RABL3: variants seen among roughly 807,000 people sequenced by gnomAD.
RABL3 encodes RAB, member of RAS oncogene family like 3, also known as rab-like protein 3.
In RABL3, 31 loss-of-function variants were observed where a neutral mutation model predicts 31.8. The observed-to-expected ratio is 0.97, with a 90% confidence interval of 0.73 to 1.31. RABL3 has a LOEUF of 1.31. RABL3 is among the 40% of genes most tolerant of loss of function. The probability of loss-of-function intolerance (pLI) is 0.00; values close to 1 mark genes in which losing one functional copy is unlikely to be tolerated. For synonymous variants in RABL3, 97 were observed against 99.9 expected, an observed-to-expected ratio of 0.97 and a Z score of 0.18; for missense variants, 263 against 279.6, an observed-to-expected ratio of 0.94 and a Z score of 0.42.
chr3:120,685,809 AT>A lies in RABL3; in HGVS notation c.*4013del, dbSNP rs1471363985. On this transcript the variant is annotated 3_prime_UTR_variant, in exon 8 of 8. Transcript: ENST00000273375. ...AAAGGCTAGATCCTGACTTATCTGC[AT>A]GAGAAAAATCTGGCTTGTCTGTTAA... Among the ~76,000 whole-genome samples, 13 of 152,322 alleles carry A rather than the reference AT, an allele frequency of 8.5e-5. No individual in the cohort carries two copies. The highest frequency in any genetic ancestry group is 3.1e-4 in the African/African-American group (13 of 41,584).
intron 2 of RABL3, among the ~76,000 whole-genome samples, chr3:120,724,179 T>C (rs1445066359): frequency 6.6e-6 from 1 of 152,218 alleles, no homozygotes; most frequent in Non-Finnish European, 1.5e-5. Context: ...AGCCAAATCA[T>C]GAGTGAACTC....
chr3:120,698,630 T>C, intron 4 of RABL3, 57 bp from the exon 5 acceptor site: 1 of 1,443,178 alleles, frequency 6.9e-7, no homozygotes, highest in Non-Finnish European at 9.5e-7. Context: ...TGTAGATGTG[T>C]AATATTTAAG....
intron 2 of RABL3, among the ~76,000 whole-genome samples, chr3:120,721,684 C>T (rs528306282): frequency 6.6e-6 from 1 of 152,160 alleles, no homozygotes; most frequent in South Asian, 2.1e-4. Flanking sequence ...AAAGCAAGTC[C>T]TTAGAGACCT....
intron 1 of RABL3, among the ~76,000 whole-genome samples, chr3:120,739,931 G>A (rs1048224275): frequency 1.3e-5 from 2 of 152,122 alleles, no homozygotes; most frequent in Non-Finnish European, 1.5e-5. Context: ...AGCTAAGAAG[G>A]GATGAAACCC....
chr3:120,729,965 T>TA (rs202163320), intron 2 of RABL3, among the ~76,000 whole-genome samples: 23 of 150,894 alleles, frequency 1.5e-4, no homozygotes, highest in East Asian at 1.4e-3. Context: ...TATCAAAGAT[T>TA]AAAAAAAAAC....
intron 1 of RABL3, among the ~76,000 whole-genome samples, chr3:120,737,959 G>A (rs1416053558): frequency 6.6e-6 from 1 of 152,210 alleles, no homozygotes; most frequent in African/African-American, 2.4e-5. Context: ...CTCCCAGTTA[G>A]GCTACTCGGG....
At chr3:120,694,029 C>T (rs1351059471) in intron 6 of RABL3, 124 bp downstream of exon 6, 2 of 597,210 alleles carry the variant, frequency 3.3e-6, no homozygotes, top group African/African-American at 1.9e-5. Flanking sequence ...GAGATCAAAA[C>T]AAGGATTATT....
Position 120,698,518 on chromosome 3 carries a change from T to C in RABL3, c.439A>G (p.Thr147Ala). The change falls in exon 5 of 8, where the codon ACT becomes GCT. Residue 147 changes from threonine to alanine, a missense_variant. Physicochemically the swap from Thr to Ala is moderately conservative, Grantham distance 58 (BLOSUM62 0). Coordinates refer to ENST00000273375, the MANE Select transcript of RABL3 (RefSeq NM_173825.5). Reference protein sequence around the residue: ...DNQIPLLVIGTKLDQIHETKR... With the variant: ...DNQIPLLVIGAKLDQIHETKR... ...GTTTCATGAATCTGGTCCAGTTTAG[T>C]CCCTATTACCAACAGTGGTATTTGG... 2.5e-6 allele frequency: 4 copies of C among 1,613,730 alleles called. No individual in the cohort carries two copies. The highest frequency in any genetic ancestry group is 3.4e-6 in the Non-Finnish European group (4 of 1,179,638).
intron 2 of RABL3, among the ~76,000 whole-genome samples, chr3:120,724,478 A>G (rs1448490523): frequency 6.6e-6 from 1 of 152,234 alleles, no homozygotes; most frequent in African/African-American, 2.4e-5. Context: ...ACCAAAAAAG[A>G]GCCCACATTG....
intron 4 of RABL3, among the ~76,000 whole-genome samples, chr3:120,698,858 A>C (rs1425463616): frequency 1.3e-5 from 2 of 152,202 alleles, no homozygotes; most frequent in East Asian, 3.8e-4. Flanking sequence ...GTGCCCATCA[A>C]GTATATTACA....
intron 2 of RABL3, among the ~76,000 whole-genome samples, chr3:120,712,867 A>T (rs1276521968): frequency 6.6e-6 from 1 of 152,190 alleles, no homozygotes; most frequent in African/African-American, 2.4e-5. Context: ...TACAGTTCCA[A>T]GAGCAAACTA....
At chr3:120,694,991 A>C (rs1445904918) in intron 5 of RABL3, among the ~76,000 whole-genome samples, 4 of 147,284 alleles carry the variant, frequency 2.7e-5, no homozygotes, top group Admixed American at 6.8e-5. Flanking sequence ...GTCACCATTG[A>C]CTTGTGACCT....
At chr3:120,714,090 G>A (rs1423794568) in intron 2 of RABL3, among the ~76,000 whole-genome samples, 3 of 152,136 alleles carry the variant, frequency 2.0e-5, no homozygotes, top group Admixed American at 6.5e-5. Context: ...GATTACAGGC[G>A]TAAGCCACCG....
chr3:120,700,044 C>T (rs1559812900), intron 4 of RABL3, among the ~76,000 whole-genome samples: 2 of 152,174 alleles, frequency 1.3e-5, no homozygotes, highest in Non-Finnish European at 2.9e-5. Context: ...ATTCCTTGCA[C>T]ACTGACACAT....
At position 120,688,688 on chromosome 3, in the gene RABL3, A is replaced by G. The variant is rs1007951255; in HGVS notation, c.*1135T>C. The G allele has an allele frequency of 6.6e-6, 1 of 152,212 alleles. No individual in the cohort carries two copies. The highest frequency in any genetic ancestry group is 1.5e-5 in the Non-Finnish European group (1 of 68,046). The allele number at this position is 152,212 out of a possible 1,614,324, so 9.4% of individuals were successfully genotyped here. On this transcript the variant is annotated 3_prime_UTR_variant, in exon 8 of 8. Coordinates refer to ENST00000273375, the MANE Select transcript of RABL3 (RefSeq NM_173825.5). ...AGAGAATACGGGTGATAGAGTGTTG[A>G]ATAAATTGTTTTTAGAAATCAAATT... is the stretch of plus-strand genomic sequence containing the variant.
intron 1 of RABL3, among the ~76,000 whole-genome samples, chr3:120,736,417 T>A (rs1005756456): frequency 2.6e-5 from 4 of 152,230 alleles, no homozygotes; most frequent in African/African-American, 9.6e-5. Flanking sequence ...TCCATCCCTT[T>A]ATTTTGAGCC....
At chr3:120,698,039 C>T (rs1225052907) in intron 5 of RABL3, among the ~76,000 whole-genome samples, 1 of 152,124 alleles carries the variant, frequency 6.6e-6, no homozygotes. Flanking sequence ...TGGTACATGC[C>T]TGTAATCCCA....
chr3:120,699,124 T>C (rs894787133), intron 4 of RABL3, among the ~76,000 whole-genome samples: 2 of 151,774 alleles, frequency 1.3e-5, no homozygotes, highest in Non-Finnish European at 2.9e-5. Context: ...AATAAGAAAA[T>C]AGAAATAGGG....
chr3:120,712,943 A>T (rs1394972166), intron 2 of RABL3, among the ~76,000 whole-genome samples: 1 of 152,054 alleles, frequency 6.6e-6, no homozygotes, highest in Non-Finnish European at 1.5e-5. Context: ...AACTTCTGGG[A>T]TGGGGCTCAA....
Sources: gnomAD v4.1 joint callset for allele counts (sites outside exome capture counted in the v4.1 genomes callset) on GRCh38, gnomAD v4.1.1 for gene constraint, MANE v1.5 for transcripts, NCBI Gene and HGNC (gene_info 2026-07-23, HGNC 2026-07-21) for gene names.